Variants in ORC4 observed in about 807,000 individuals in gnomAD.
ORC4 encodes origin recognition complex, subunit 4 homolog.
A neutral mutation model predicts 63.9 loss-of-function variants in ORC4; 55 were observed. The ratio of observed to expected loss-of-function variants is 0.86; its 90% CI spans 0.69 to 1.08. The LOEUF is 1.08. Ranked by LOEUF, ORC4 falls within the 50% of genes least tolerant of loss-of-function variation. The pLI, the probability that ORC4 is intolerant of heterozygous loss-of-function variation, is 0.00. For synonymous variants in ORC4, 150 were observed against 168.5 expected, an observed-to-expected ratio of 0.89 and a Z score of 0.85; for missense variants, 511 against 504.4, an observed-to-expected ratio of 1.01 and a Z score of -0.13.
intron 1 of ORC4, among the ~76,000 whole-genome samples, chr2:147,981,546 T>C (rs150075603): frequency 0.013 from 2,041 of 152,264 alleles, 62 homozygotes; most frequent in Admixed American, 0.077. Flanking sequence ...GGGGAACTCA[T>C]AGAATGAAAG....
At chr2:147,942,092 A>T (rs536003832) in intron 10 of ORC4, among the ~76,000 whole-genome samples, 8 of 152,168 alleles carry the variant, frequency 5.3e-5, no homozygotes, top group African/African-American at 1.9e-4. Context: ...CAATTTCTTT[A>T]GGGGTAAGAA....
chr2:147,942,669 T>C (rs1688430999), intron 10 of ORC4, among the ~76,000 whole-genome samples: 1 of 152,076 alleles, frequency 6.6e-6, no homozygotes, highest in African/African-American at 2.4e-5. Flanking sequence ...AATCCTTTCT[T>C]CCTAAGACTG....
At chr2:147,975,185 T>C (rs569684896) in intron 2 of ORC4, among the ~76,000 whole-genome samples, 45 of 152,214 alleles carry the variant, frequency 3.0e-4, no homozygotes, top group Non-Finnish European at 5.3e-4. Flanking sequence ...AGGGTAGAAA[T>C]ACCATGCTCA....
intron 1 of ORC4, among the ~76,000 whole-genome samples, chr2:148,004,420 G>A (rs967048733): frequency 6.6e-6 from 1 of 152,062 alleles, no homozygotes; most frequent in African/African-American, 2.4e-5. Context: ...CAGATATACA[G>A]ACCAATGGAA....
intron 1 of ORC4, among the ~76,000 whole-genome samples, chr2:147,985,316 C>A (rs943228572): frequency 6.6e-6 from 1 of 152,178 alleles, no homozygotes; most frequent in African/African-American, 2.4e-5. Flanking sequence ...CCTCCCTCAG[C>A]CTCCTGAGTA....
At chr2:147,977,905 A>G (rs576844987) in intron 1 of ORC4, among the ~76,000 whole-genome samples, 1 of 152,332 alleles carries the variant, frequency 6.6e-6, no homozygotes, top group South Asian at 2.1e-4. Context: ...ACTAAGCTAC[A>G]GGGTTGCTTC....
chr2:147,989,710 A>C (rs1309247436), intron 1 of ORC4, among the ~76,000 whole-genome samples: 1 of 135,926 alleles, frequency 7.4e-6, no homozygotes, highest in Non-Finnish European at 1.5e-5. Context: ...TCATCTCAAA[A>C]ACAACAACAA....
At chr2:148,005,656 C>CAAAAAAAAAAAAAAAAAA (rs55869341) in intron 1 of ORC4, among the ~76,000 whole-genome samples, 3 of 51,486 alleles carry the variant, frequency 5.8e-5, no homozygotes, top group Non-Finnish European at 1.0e-4. Flanking sequence ...ACTATCCATG[C>CAAAAAAAAAAAAAAAAAA]AAAAAAAAAA....
At chr2:147,969,209 T>C (rs1169798133) in intron 4 of ORC4, among the ~76,000 whole-genome samples, 2 of 151,916 alleles carry the variant, frequency 1.3e-5, no homozygotes, top group African/African-American at 2.4e-5. Context: ...AGTAACAGTG[T>C]TGTACTATCA....
intron 9 of ORC4, among the ~76,000 whole-genome samples, chr2:147,946,403 C>T (rs1306424140): frequency 6.6e-6 from 1 of 151,926 alleles, no homozygotes; most frequent in African/African-American, 2.4e-5. Flanking sequence ...ACAATCAGTT[C>T]AGGAGTTGTA....
intron 1 of ORC4, among the ~76,000 whole-genome samples, chr2:148,009,630 G>A (rs889232962): frequency 1.3e-5 from 2 of 152,070 alleles, no homozygotes; most frequent in Non-Finnish European, 2.9e-5. Flanking sequence ...TAATGACTTG[G>A]GACTTCAACA....
chr2:147,972,484 A>G (rs577911063), intron 4 of ORC4, among the ~76,000 whole-genome samples: 60 of 152,218 alleles, frequency 3.9e-4, no homozygotes, highest in Non-Finnish European at 6.6e-4. Context: ...ACAAACATCA[A>G]TTGACAATTT....
At chr2:148,021,481 T>TGCTGC, upstream of ORC4, 1 of 573,528 alleles carries the variant, frequency 1.7e-6, no homozygotes, top group Admixed American at 2.2e-5. Context: ...GCTGCTGCTG[T>TGCTGC]TGCTGCTGCT....
At chr2:147,974,182 A>G (rs904611862) in intron 2 of ORC4, among the ~76,000 whole-genome samples, 4 of 152,206 alleles carry the variant, frequency 2.6e-5, no homozygotes, top group African/African-American at 9.6e-5. Flanking sequence ...GGACAAAACA[A>G]TACATACTTG....
intron 4 of ORC4, among the ~76,000 whole-genome samples, chr2:147,972,219 T>G (rs1165141057): frequency 1.3e-5 from 2 of 152,190 alleles, no homozygotes; most frequent in East Asian, 3.9e-4. Context: ...AAGAATGATA[T>G]AAGATGTGAG....
chr2:147,986,923 C>CA (rs1232094751), intron 1 of ORC4, among the ~76,000 whole-genome samples: 2 of 150,604 alleles, frequency 1.3e-5, no homozygotes, highest in African/African-American at 4.9e-5. Flanking sequence ...AATCATTCAA[C>CA]AAAAAAATGA....
At chr2:147,939,101 T>G in intron 11 of ORC4, 39 bp downstream of exon 11, 1 of 1,268,900 alleles carries the variant, frequency 7.9e-7, no homozygotes, top group Non-Finnish European at 1.2e-6. Flanking sequence ...ATTCAAAGTT[T>G]TAAAAACCAC....
chr2:147,959,620 T>C (rs1423131852), intron 4 of ORC4, among the ~76,000 whole-genome samples: 1 of 152,134 alleles, frequency 6.6e-6, no homozygotes, highest in Admixed American at 6.5e-5. Flanking sequence ...TGCAATATGC[T>C]ACTTATTTGT....
intron 7 of ORC4, among the ~76,000 whole-genome samples, chr2:147,953,987 C>T (rs1308934956): frequency 1.3e-5 from 2 of 151,718 alleles, no homozygotes; most frequent in Non-Finnish European, 2.9e-5. Flanking sequence ...GAAAATTAGT[C>T]TATTCAAAGT....
Sources: allele counts gnomAD v4.1 joint callset (sites outside exome capture counted in the v4.1 genomes callset), GRCh38; gene constraint gnomAD v4.1.1; transcripts MANE v1.5; gene names NCBI Gene and HGNC (gene_info 2026-07-23, HGNC 2026-07-21).